Variants in TMEM132D observed in about 807,000 individuals in gnomAD.
TMEM132D encodes transmembrane protein 132D, also known as mature OL transmembrane protein.
In TMEM132D, 21 loss-of-function variants were observed where a neutral mutation model predicts 62.3. That is an observed-to-expected ratio of 0.34 (90% CI 0.24 to 0.49). The LOEUF (loss-of-function observed/expected upper bound fraction) is 0.49, where lower values mean the gene tolerates loss of function less well. Among genes scored for constraint, TMEM132D ranks in the 20% least tolerant of loss-of-function variants. The pLI, the probability that TMEM132D is intolerant of heterozygous loss-of-function variation, is 0.99. For missense variants in TMEM132D, 1,346 were observed against 1,402.8 expected (o/e 0.96, Z 0.65); for synonymous variants, 621 against 575.6 (o/e 1.08, Z -1.13).
chr12:129,404,655 C>A (rs1017163143), intron 3 of TMEM132D, among the ~76,000 whole-genome samples: 1 of 152,234 alleles, frequency 6.6e-6, no homozygotes, highest in Middle Eastern at 3.4e-3. Flanking sequence ...AGAGTGGGAA[C>A]AAGGGAGAGA....
chr12:129,765,462 A>G, intron 1 of TMEM132D, among the ~76,000 whole-genome samples: 1 of 151,866 alleles, frequency 6.6e-6, no homozygotes, highest in Non-Finnish European at 1.5e-5. Flanking sequence ...GCTACTCAGG[A>G]GGCTGAGGCA....
At chr12:129,603,896 A>G (rs982238411) in intron 2 of TMEM132D, among the ~76,000 whole-genome samples, 1 of 152,244 alleles carries the variant, frequency 6.6e-6, no homozygotes, top group African/African-American at 2.4e-5. Context: ...ACTATTTACA[A>G]TAGCAAAGAC....
chr12:129,125,719 C>T (rs1338030607), intron 5 of TMEM132D, among the ~76,000 whole-genome samples: 1 of 151,418 alleles, frequency 6.6e-6, no homozygotes, highest in Non-Finnish European at 1.5e-5. Flanking sequence ...CCTAGGCTGG[C>T]CTTGAACATC....
chr12:129,819,332 C>T (rs1413673529), intron 1 of TMEM132D, among the ~76,000 whole-genome samples: 1 of 152,072 alleles, frequency 6.6e-6, no homozygotes, highest in Non-Finnish European at 1.5e-5. Flanking sequence ...GTTTCCCCAT[C>T]AATTGTGATA....
chr12:129,331,337 C>T (rs766857588), intron 4 of TMEM132D, among the ~76,000 whole-genome samples: 7 of 152,270 alleles, frequency 4.6e-5, no homozygotes, highest in Non-Finnish European at 7.4e-5. Context: ...CCATTGTGAA[C>T]GCCACGTAAC....
At chr12:129,443,637 C>T (rs192647144) in intron 3 of TMEM132D, among the ~76,000 whole-genome samples, 1 of 152,114 alleles carries the variant, frequency 6.6e-6, no homozygotes. Flanking sequence ...TCACTCATCT[C>T]TCTCCCAAAG....
At chr12:129,887,105 G>T (rs1156515712) in intron 1 of TMEM132D, among the ~76,000 whole-genome samples, 1 of 152,124 alleles carries the variant, frequency 6.6e-6, no homozygotes, top group Non-Finnish European at 1.5e-5. Context: ...AAAGAGATCT[G>T]AGTATAGAGA....
chr12:129,361,261 A>C (rs1870240319), intron 3 of TMEM132D, among the ~76,000 whole-genome samples: 1 of 152,232 alleles, frequency 6.6e-6, no homozygotes, highest in Non-Finnish European at 1.5e-5. Flanking sequence ...ATTAATGCTC[A>C]TGGTGTATAG....
At chr12:129,271,217 A>T (rs891351086) in intron 4 of TMEM132D, among the ~76,000 whole-genome samples, 1 of 149,274 alleles carries the variant, frequency 6.7e-6, no homozygotes, top group Non-Finnish European at 1.5e-5. Context: ...AGACACCCAG[A>T]CACCTTGCTG....
chr12:129,682,745 G>A (rs919391907), intron 2 of TMEM132D: 5 of 151,208 alleles, frequency 3.3e-5, no homozygotes, highest in African/African-American at 1.2e-4. Context: ...TGTAGTCCCA[G>A]CTACTCGGGA....
rs1488503458 is a variant in TMEM132D at position 129,166,680 on chromosome 12, T to TACAC, written c.1443+42839_1443+42840insGTGT. On this transcript the variant is annotated intron_variant, in intron 5 of 8. Coordinates refer to ENST00000422113, the MANE Select transcript of TMEM132D (RefSeq NM_133448.3). ...TCCTGGGACTACGCAAGGACATATA[T>TACAC]ATACACATACACACACACACACACA... Among the ~76,000 whole-genome samples, 79 of 76,380 alleles carry TACAC rather than the reference T, an allele frequency of 1.0e-3. 1 individual carries two copies. Among genetic ancestry groups the TACAC allele is most frequent in the Middle Eastern group, 6.1e-3 (1 of 164 alleles). The allele number at this position is 76,380 out of a possible 152,430, so 50.1% of individuals were successfully genotyped here.
At chr12:129,586,441 C>T (rs1178209884) in intron 2 of TMEM132D, among the ~76,000 whole-genome samples, 1 of 152,162 alleles carries the variant, frequency 6.6e-6, no homozygotes, top group Non-Finnish European at 1.5e-5. Flanking sequence ...CAATGTATCC[C>T]AGACTGGGTG....
chr12:129,235,400 GTTTT>G (rs55691625), intron 4 of TMEM132D, among the ~76,000 whole-genome samples: 3 of 148,422 alleles, frequency 2.0e-5, no homozygotes, highest in Non-Finnish European at 1.5e-5. Context: ...CCCCTAATGG[GTTTT>G]TTTTTTTTTA....
chr12:129,858,865 C>G (rs1873778529), intron 1 of TMEM132D, among the ~76,000 whole-genome samples: 1 of 129,520 alleles, frequency 7.7e-6, no homozygotes, highest in Non-Finnish European at 1.7e-5. Flanking sequence ...GTAACAGAGT[C>G]CGGGGGAACG....
chr12:129,495,301 C>T lies in TMEM132D; in HGVS notation c.1115+35758G>A, dbSNP rs543653596. ...AGTTTAGGGCTGTTGCGTAGCTATC[C>T]GAGGTCTTCCTCCTCACTCTGCACA... is the stretch of plus-strand genomic sequence containing the variant. On this transcript the variant is annotated intron_variant, in intron 3 of 8. Coordinates refer to ENST00000422113, the MANE Select transcript of TMEM132D (RefSeq NM_133448.3). 2.6e-5 allele frequency among the ~76,000 whole-genome samples: 4 copies of T among 152,238 alleles called. No individual in the cohort carries two copies. The East Asian group carries it at 5.8e-4, about 22-fold the overall frequency.
At chr12:129,750,824 G>C (rs904226414) in intron 1 of TMEM132D, among the ~76,000 whole-genome samples, 2 of 151,924 alleles carry the variant, frequency 1.3e-5, no homozygotes, top group Non-Finnish European at 2.9e-5. Flanking sequence ...AGCTAGAAGA[G>C]AGGTTTTTGG....
intron 4 of TMEM132D, among the ~76,000 whole-genome samples, chr12:129,273,125 G>A (rs1295057149): frequency 1.3e-5 from 2 of 151,842 alleles, no homozygotes; most frequent in African/African-American, 4.9e-5. Flanking sequence ...GAATCTGGGA[G>A]GTGGAGGTTG....
chr12:129,274,849 T>C (rs1283890267), intron 4 of TMEM132D, among the ~76,000 whole-genome samples: 1 of 152,204 alleles, frequency 6.6e-6, no homozygotes, highest in Non-Finnish European at 1.5e-5. Context: ...ATAGCGCCAC[T>C]GCACTCCAGC....
intron 3 of TMEM132D, among the ~76,000 whole-genome samples, chr12:129,373,371 G>A (rs757962797): frequency 1.3e-5 from 2 of 152,160 alleles, no homozygotes. Context: ...GGTGGCTCAC[G>A]CCTGTAGTCC....
Sources: gnomAD v4.1 joint callset for allele counts (sites outside exome capture counted in the v4.1 genomes callset) on GRCh38, gnomAD v4.1.1 for gene constraint, MANE v1.5 for transcripts, NCBI Gene and HGNC (gene_info 2026-07-23, HGNC 2026-07-21) for gene names.